Variants in MYBPC3 observed in about 807,000 individuals in gnomAD.
MYBPC3 encodes the protein myosin binding protein C3, also known as myosin-binding protein C, cardiac-type.
A neutral mutation model predicts 159.3 loss-of-function variants in MYBPC3; 108 were observed. That is an observed-to-expected ratio of 0.68 (90% CI 0.58 to 0.80). MYBPC3 has a LOEUF of 0.80. Ranked by LOEUF, MYBPC3 falls within the 30% of genes least tolerant of loss-of-function variation. The pLI, the probability that MYBPC3 is intolerant of heterozygous loss-of-function variation, is 0.00. For synonymous variants in MYBPC3, 730 were observed against 702.0 expected, an observed-to-expected ratio of 1.04 and a Z score of -0.63; for missense variants, 1,631 against 1,762.1, an observed-to-expected ratio of 0.93 and a Z score of 1.33.
At chr11:47,341,072 C>A in intron 19 of MYBPC3, 40 bp from the exon 20 acceptor site, 2 of 1,571,148 alleles carry the variant, frequency 1.3e-6, no homozygotes, top group Non-Finnish European at 1.7e-6. Flanking sequence ...GGGGCAAAGG[C>A]AGGGCCCAGT....
At chr11:47,347,233 G>C (rs1419830206) in intron 9 of MYBPC3, 193 bp downstream of exon 9, 6 of 985,386 alleles carry the variant, frequency 6.1e-6, no homozygotes, top group Middle Eastern at 5.2e-4. Context: ...CTGTGAGGAT[G>C]ACTGTTGACG....
In MYBPC3 at chr11:47,332,932, G is replaced by T. The variant is rs727504289; in HGVS notation, c.3372C>A (p.Cys1124Ter). ...TVLEHYRRTHCVVPELIIGNG... is the reference protein window; with the variant it reads ...TVLEHYRRTH ...TGCCAATGATGAGCTCTGGCACCACGCAGTGGGTGCGGCGGTAATGCTCCA... is the reference window on the plus strand; with the variant it reads ...TGCCAATGATGAGCTCTGGCACCACTCAGTGGGTGCGGCGGTAATGCTCCA... Residue 1124 changes from cysteine to a stop codon, truncating the protein, a stop_gained, in exon 31 of 35, where the codon TGC becomes TGA. Transcript: ENST00000545968. LOFTEE classifies it high-confidence loss of function. This position sits in a 1 kb window ranked among gnomAD's most constrained non-coding sequence, Gnocchi z 4.2. 1.2e-6 allele frequency: 2 copies of T among 1,610,604 alleles called. No homozygotes were observed. The highest frequency in any genetic ancestry group is 2.7e-5 in the African/African-American group (2 of 74,986).
chr11:47,341,058 C>A, intron 19 of MYBPC3, 26 bp from the exon 20 acceptor site: 1 of 1,575,416 alleles, frequency 6.3e-7, no homozygotes, highest in Non-Finnish European at 8.6e-7. Context: ...GAGCAAGTAG[C>A]ACGGGGGCAA....
rs576386636 is a variant in MYBPC3 at position 47,335,818 on chromosome 11, A to G, written c.2737+59T>C. The G allele has an allele frequency of 6.7e-5, 90 of 1,338,928 alleles. No individual in the cohort carries two copies. The Middle Eastern group carries it at 1.7e-3, about 26-fold the overall frequency. The allele number at this position is 1,338,928 out of a possible 1,614,324, so 82.9% of individuals were successfully genotyped here. On this transcript the variant is annotated intron_variant, in intron 26 of 34. Coordinates refer to ENST00000545968, the MANE Select transcript of MYBPC3 (RefSeq NM_000256.3). ...AACTTGACTACAGGTGAATCTGCTC[A>G]ATGGCAAGGTGAGCATGTTCTTCCT...
chr11:47,343,758 G>A, intron 12 of MYBPC3, 134 bp from the exon 13 acceptor site: 3 of 843,166 alleles, frequency 3.6e-6, no homozygotes, highest in Non-Finnish European at 5.2e-6. Flanking sequence ...CCACTTCTCT[G>A]TGTCTCTATT....
At position 47,350,075 on chromosome 11, in the gene MYBPC3, T is replaced by TC. The variant is rs1444967580; in HGVS notation, c.443dup (p.Ala149SerfsTer4). On this transcript the variant is annotated frameshift_variant, in exon 4 of 35. Coordinates refer to ENST00000545968, the MANE Select transcript of MYBPC3 (RefSeq NM_000256.3). LOFTEE classifies it high-confidence loss of function. Reference sequence around the variant, plus strand: ...AGAGGCCAATGGGGTCATCGGGGGCTCCAGGGGTAGGACCATTGAGAGCTG... The same window carrying TC: ...AGAGGCCAATGGGGTCATCGGGGGCTCCCAGGGGTAGGACCATTGAGAGCTG... 6.4e-7 allele frequency: 1 copy of TC among 1,561,680 alleles called. No individual in the cohort carries two copies. Among genetic ancestry groups the TC allele is most frequent in the Non-Finnish European group, 8.7e-7 (1 of 1,152,662 alleles).
intron 13 of MYBPC3, 59 bp from the exon 14 acceptor site, chr11:47,343,321 A>C: frequency 1.3e-6 from 2 of 1,520,794 alleles, no homozygotes; most frequent in South Asian, 1.3e-5. Context: ...GCCCGAGACA[A>C]AAGGAGAGAG....
intron 6 of MYBPC3, 58 bp from the exon 7 acceptor site, chr11:47,347,963 G>A: frequency 2.7e-6 from 4 of 1,498,990 alleles, no homozygotes; most frequent in African/African-American, 1.4e-5. Context: ...CGTTTGAGAA[G>A]CCCTGCCCTG....
rs730880526 is a variant in MYBPC3 at position 47,342,022 on chromosome 11, C to T, written c.1759G>A (p.Asp587Asn). ...ATGTGGGACACCTTTATGCGGCTGTCGGGCACCAGCTCCTTCCCATTCTTC... is the reference window on the plus strand; with the variant it reads ...ATGTGGGACACCTTTATGCGGCTGTTGGGCACCAGCTCCTTCCCATTCTTC... Reference protein sequence around the residue: ...WLKNGKELVPDSRIKVSHIGR... With the variant: ...WLKNGKELVPNSRIKVSHIGR... Residue 587 changes from aspartate to asparagine, a missense_variant, in exon 18 of 35, where the codon GAC becomes AAC. Physicochemically the swap from Asp to Asn is conservative, Grantham distance 23. Transcript: ENST00000545968. The T allele has an allele frequency of 4.4e-6, 7 of 1,590,594 alleles. No individual in the cohort carries two copies. The highest frequency in any genetic ancestry group is 2.3e-5 in the East Asian group (1 of 43,900).
chr11:47,339,266 C>G (rs542313895), intron 22 of MYBPC3, 58 bp downstream of exon 22: 1 of 1,579,082 alleles, frequency 6.3e-7, no homozygotes, highest in African/African-American at 1.3e-5. Flanking sequence ...CTCGGCACCA[C>G]GTAGGTAGAA....
At chr11:47,343,659 G>A (rs766721386) in intron 12 of MYBPC3, 35 bp from the exon 13 acceptor site, 48 of 1,404,620 alleles carry the variant, frequency 3.4e-5, no homozygotes, top group South Asian at 3.4e-4. Context: ...CCACCCCACC[G>A]CCCGCACCCT....
chr11:47,344,493 G>A (rs913523876), intron 12 of MYBPC3, among the ~76,000 whole-genome samples: 5 of 152,154 alleles, frequency 3.3e-5, no homozygotes, highest in Admixed American at 1.3e-4. Flanking sequence ...CTCCTCTTGC[G>A]GCCGTGTTTG....
chr11:47,333,198 GTCT>G lies in MYBPC3; in HGVS notation c.3323_3325del (p.Lys1108del), dbSNP rs767318190. 5 of 1,602,382 alleles carry G rather than the reference GTCT, an allele frequency of 3.1e-6. No individual in the cohort carries two copies. Among genetic ancestry groups the G allele is most frequent in the East Asian group, 2.2e-5 (1 of 44,512 alleles). On this transcript the variant is annotated inframe_deletion, in exon 30 of 35. Coordinates refer to ENST00000545968, the MANE Select transcript of MYBPC3 (RefSeq NM_000256.3). ...GACCCCAGACCCTGGGCTCACCATG[GTCT>G]TCTTGTCGGCTTTCTGCACTGTGTA... is the stretch of plus-strand genomic sequence containing the variant.
chr11:47,342,418 C>T (rs973061457), intron 17 of MYBPC3, among the ~76,000 whole-genome samples, 160 bp downstream of exon 17: 3 of 152,212 alleles, frequency 2.0e-5, no homozygotes, highest in Admixed American at 2.0e-4. Context: ...ACCTCAGCAT[C>T]GTCATTTTAG....
At chr11:47,350,730 G>C in intron 2 of MYBPC3, 115 bp from the exon 3 acceptor site, 1 of 1,370,826 alleles carries the variant, frequency 7.3e-7, no homozygotes, top group Non-Finnish European at 9.4e-7. Context: ...GTCTGCCATG[G>C]CTGTCCTCCC....
At chr11:47,347,981 C>T in intron 6 of MYBPC3, 76 bp from the exon 7 acceptor site, 1 of 1,389,838 alleles carries the variant, frequency 7.2e-7, no homozygotes, top group Non-Finnish European at 1.0e-6. Context: ...CTGGGGGCGG[C>T]CTCTGAGTAT....
At chr11:47,333,499 C>T in intron 29 of MYBPC3, 58 bp downstream of exon 29, 3 of 1,591,016 alleles carry the variant, frequency 1.9e-6, no homozygotes, top group Non-Finnish European at 2.6e-6. Context: ...CCCTTGGCCC[C>T]AGCAGCCCAG....
chr11:47,350,614 C>A lies in MYBPC3; in HGVS notation c.294G>T (p.Glu98Asp). The change falls in exon 3 of 35, where the codon GAG (glutamate) becomes GAT (aspartate). Residue 98 changes from glutamate (E) to aspartate (D), a missense_variant and splice_region_variant. By Grantham distance (45) the Glu-to-Asp change is conservative. Coordinates refer to ENST00000545968, the MANE Select transcript of MYBPC3 (RefSeq NM_000256.3). The stretch of plus-strand genomic sequence containing the variant: ...CAGGGGCCAGCATGGGCTCTGCCTT[C>A]TCTGGAGGGGATCAGATGGGAGTCG... ...VKFDLKVIEA[E>D]KAEPMLAPAP... is the part of the protein sequence containing the mutation. 1 of 1,488,082 alleles carries A rather than the reference C, an allele frequency of 6.7e-7. No individual in the cohort carries two copies. Among genetic ancestry groups the A allele is most frequent in the Non-Finnish European group, 8.9e-7 (1 of 1,127,920 alleles). The allele number at this position is 1,488,082 out of a possible 1,614,324, so 92.2% of individuals were successfully genotyped here. A position where few individuals can be genotyped will look rare whatever the true frequency, so the allele number is the denominator to read the frequency against.
At chr11:47,341,875 G>A in intron 18 of MYBPC3, 116 bp downstream of exon 18, 1 of 1,365,718 alleles carries the variant, frequency 7.3e-7, no homozygotes, top group Non-Finnish European at 1.0e-6. Flanking sequence ...TCCTGTCTCT[G>A]TGCATCTGCC....
Sources: gnomAD v4.1 joint callset for allele counts (sites outside exome capture counted in the v4.1 genomes callset) on GRCh38, gnomAD v4.1.1 for gene constraint, Gnocchi (gnomAD v3.1) non-coding constraint, MANE v1.5 for transcripts, NCBI Gene and HGNC (gene_info 2026-07-23, HGNC 2026-07-21) for gene names.